THAP9: variants seen among roughly 807,000 people sequenced by gnomAD.
THAP9 encodes the protein DNA transposase THAP9.
THAP9 carries 20 observed loss-of-function variants against 35.7 expected under a neutral mutation model. That is an observed-to-expected ratio of 0.56 (90% CI 0.39 to 0.81). The LOEUF (loss-of-function observed/expected upper bound fraction) is 0.81. THAP9 is among the 40% of genes least tolerant of loss of function. The probability of loss-of-function intolerance (pLI) is 0.00; values close to 1 mark genes in which losing one functional copy is unlikely to be tolerated. For synonymous variants in THAP9, 335 were observed against 373.7 expected, an observed-to-expected ratio of 0.90 and a Z score of 1.19; for missense variants, 870 against 1,047.4, an observed-to-expected ratio of 0.83 and a Z score of 2.34.
chr4:82,900,974 G>T (rs1720320965), intron 1 of THAP9, 92 bp downstream of exon 1: 2 of 1,457,290 alleles, frequency 1.4e-6, no homozygotes, highest in East Asian at 4.8e-5. Context: ...CCGCACTGTG[G>T]GTCGCGCCGC....
At position 82,917,811 on chromosome 4, in the gene THAP9, G is replaced by A. The variant is rs1459306396; in HGVS notation, c.1599G>A (p.Gly533=). The part of the protein sequence containing the change: ...SRNCYGKGLK[G]PLLPETYSKI... ...ACTGTTATGGAAAGGGACTTAAAGG[G>A]CCTCTGTTGCCTGAAACTTACAGTA... Residue 533 remains glycine, a synonymous_variant, in exon 5 of 5, where the codon GGG becomes GGA. Transcript: ENST00000302236. 1.2e-6 allele frequency: 2 copies of A among 1,613,536 alleles called. No homozygotes were observed. The highest frequency in any genetic ancestry group is 1.7e-6 in the Non-Finnish European group (2 of 1,179,950).
intron 4 of THAP9, 142 bp downstream of exon 4, chr4:82,908,077 TC>T: frequency 1.2e-6 from 1 of 822,890 alleles, no homozygotes; most frequent in Non-Finnish European, 1.8e-6. Context: ...GTACTCATAC[TC>T]CCATTTAAAA....
chr4:82,906,959 T>C (rs767351486), intron 3 of THAP9, among the ~76,000 whole-genome samples: 10 of 152,308 alleles, frequency 6.6e-5, no homozygotes, highest in Admixed American at 2.6e-4. Context: ...ACCCATTTGC[T>C]ACTGCAAATT....
intron 4 of THAP9, chr4:82,910,836 C>T (rs539037144): frequency 8.4e-6 from 3 of 358,794 alleles, no homozygotes; most frequent in Non-Finnish European, 1.8e-5. Context: ...GAGAATTGAC[C>T]ATTGGATTTT....
intron 4 of THAP9, among the ~76,000 whole-genome samples, chr4:82,915,491 A>C (rs1578455444): frequency 6.6e-6 from 1 of 152,232 alleles, no homozygotes; most frequent in South Asian, 2.1e-4. Context: ...TCCTGACCTC[A>C]GGTGATTTGC....
chr4:82,906,771 A>G, intron 3 of THAP9, 144 bp downstream of exon 3: 1 of 744,022 alleles, frequency 1.3e-6, no homozygotes, highest in Non-Finnish European at 2.0e-6. Flanking sequence ...AATGAAAATT[A>G]ATCACCAAAA....
rs1226027110 is a variant in THAP9, at chr4:82,918,408, T to G, written c.2196T>G (p.Cys732Trp). The G allele has an allele frequency of 1.2e-6, 2 of 1,614,204 alleles. No homozygotes were observed. The highest frequency in any genetic ancestry group is 2.2e-5 in the East Asian group (1 of 44,888). Reference protein sequence around the residue: ...VANKLSALLTCEDCITALYAS... With the variant: ...VANKLSALLTWEDCITALYAS... ...ACAAGTTATCAGCTCTTTTAACTTG[T>G]GAGGACTGCATCACTGCACTGTATG... Residue 732 changes from cysteine to tryptophan, a missense_variant, in exon 5 of 5, where the codon TGT (cysteine) becomes TGG (tryptophan). By Grantham distance (215) the Cys-to-Trp change is radical. Transcript: ENST00000302236.
In THAP9 at chr4:82,918,945, A is replaced by G. The variant is rs1429019957; in HGVS notation, c.*21A>G. On this transcript the variant is annotated 3_prime_UTR_variant, in exon 5 of 5. Coordinates refer to ENST00000302236, the MANE Select transcript of THAP9 (RefSeq NM_024672.6). Reference sequence around the variant, plus strand: ...AATGAGAGACCTAAAATATATTAACATTTTAATTAAGAATACTTGATCAAC... The same window carrying G: ...AATGAGAGACCTAAAATATATTAACGTTTTAATTAAGAATACTTGATCAAC... The G allele has an allele frequency of 2.7e-6, 4 of 1,497,574 alleles. No individual in the cohort carries two copies. Among genetic ancestry groups the G allele is most frequent in the Non-Finnish European group, 3.6e-6 (4 of 1,113,722 alleles). The allele number at this position is 1,497,574 out of a possible 1,614,324, so 92.8% of individuals were successfully genotyped here.
rs572277773 is a variant in THAP9 at position 82,906,416 on chromosome 4, C to T, written c.369C>T (p.Asp123=). The T allele has an allele frequency of 2.5e-4, 408 of 1,613,722 alleles. 5 individuals carry two copies. In the South Asian group the frequency reaches 4.2e-3, roughly 17 times the overall value. ...PDNSQEVATE[D]HNYSLKTPLT... Reference sequence around the variant, plus strand: ...ATTCTCAAGAAGTTGCTACTGAGGACCATAACTATAGTTTAAAGACACCTT... The same window carrying T: ...ATTCTCAAGAAGTTGCTACTGAGGATCATAACTATAGTTTAAAGACACCTT... Residue 123 remains aspartate, a synonymous_variant, in exon 3 of 5, where the codon GAC becomes GAT. Transcript: ENST00000302236.
Position 82,908,007 on chromosome 4 carries a change from T to A in THAP9, c.731+72T>A. 2.1e-6 allele frequency: 3 copies of A among 1,419,962 alleles called. No homozygotes were observed. The South Asian group carries it at 3.7e-5, about 17-fold the overall frequency. The allele number at this position is 1,419,962 out of a possible 1,614,324, so 88.0% of individuals were successfully genotyped here. A position where few individuals can be genotyped will look rare whatever the true frequency, so the allele number is the denominator to read the frequency against. ...GACATCTTGTTGATTGCATGTTAAT[T>A]ACTCTTTAGATGTTAAACCATATTA... On this transcript the variant is annotated intron_variant, in intron 4 of 4. Transcript: ENST00000302236.
chr4:82,904,609 CTT>C, intron 1 of THAP9, 125 bp from the exon 2 acceptor site: 1 of 854,566 alleles, frequency 1.2e-6, no homozygotes, highest in South Asian at 2.4e-5. Context: ...GTAAATTAAA[CTT>C]TTAATTCACT....
intron 4 of THAP9, among the ~76,000 whole-genome samples, chr4:82,911,044 G>A (rs866720967): frequency 6.6e-6 from 1 of 152,058 alleles, no homozygotes; most frequent in African/African-American, 2.4e-5. Flanking sequence ...ATTGAGGGGA[G>A]GGTGTTTGTT....
At chr4:82,907,010 T>C (rs1720673500) in intron 3 of THAP9, among the ~76,000 whole-genome samples, 1 of 152,178 alleles carries the variant, frequency 6.6e-6, no homozygotes, top group Non-Finnish European at 1.5e-5. Context: ...TTTACCAAAG[T>C]CTTTTTGCAG....
chr4:82,911,317 C>A (rs2126014600), intron 4 of THAP9, among the ~76,000 whole-genome samples: 1 of 151,272 alleles, frequency 6.6e-6, no homozygotes, highest in Admixed American at 6.6e-5. Flanking sequence ...CTCGGCTGGG[C>A]ACAGTGACTC....
chr4:82,916,516 A>ACCT (rs1407253281), intron 4 of THAP9, among the ~76,000 whole-genome samples: 1 of 152,132 alleles, frequency 6.6e-6, no homozygotes, highest in Non-Finnish European at 1.5e-5. Flanking sequence ...AAGTCGCTTA[A>ACCT]CCTCTCCCTC....
chr4:82,916,757 CTAAGTT>C (rs1364602457), intron 4 of THAP9, among the ~76,000 whole-genome samples, 181 bp from the exon 5 acceptor site: 2 of 152,168 alleles, frequency 1.3e-5, no homozygotes, highest in African/African-American at 4.8e-5. Context: ...CTTTGTGTTT[CTAAGTT>C]TATCTTACTA....
At chr4:82,914,898 A>G (rs1297044139) in intron 4 of THAP9, among the ~76,000 whole-genome samples, 1 of 152,172 alleles carries the variant, frequency 6.6e-6, no homozygotes, top group Non-Finnish European at 1.5e-5. Flanking sequence ...TCCTATGTCC[A>G]GGATGGTATT....
chr4:82,913,374 TA>T (rs750854045), intron 4 of THAP9: 2 of 152,170 alleles, frequency 1.3e-5, no homozygotes, highest in Non-Finnish European at 2.9e-5. Flanking sequence ...ATAGGGACAT[TA>T]AGTGCTTTGT....
intron 1 of THAP9, among the ~76,000 whole-genome samples, chr4:82,902,165 G>A (rs1174288810): frequency 3.8e-5 from 5 of 132,616 alleles, no homozygotes; most frequent in Admixed American, 2.7e-4. Context: ...CTGGAGAGCA[G>A]TGGCACTATC....
Sources: gnomAD v4.1 joint callset for allele counts (sites outside exome capture counted in the v4.1 genomes callset) on GRCh38, gnomAD v4.1.1 for gene constraint, MANE v1.5 for transcripts, NCBI Gene and HGNC (gene_info 2026-07-23, HGNC 2026-07-21) for gene names.